SYT9: variants seen among roughly 807,000 people sequenced by gnomAD.
SYT9 encodes synaptotagmin-9.
SYT9 carries 22 observed loss-of-function variants against 48.4 expected under a neutral mutation model. The observed-to-expected ratio is 0.45, with a 90% CI of 0.32 to 0.65. The LOEUF is 0.65. SYT9 is among the 30% of genes least tolerant of loss of function. SYT9 has a pLI of 0.03. For synonymous variants in SYT9, 265 were observed against 245.0 expected, an observed-to-expected ratio of 1.08 and a Z score of -0.76; for missense variants, 577 against 622.0, an observed-to-expected ratio of 0.93 and a Z score of 0.77.
At chr11:7,356,557 A>G (rs991535676) in intron 3 of SYT9, among the ~76,000 whole-genome samples, 2 of 152,024 alleles carry the variant, frequency 1.3e-5, no homozygotes, top group African/African-American at 4.8e-5. Flanking sequence ...ACTTTTCTGT[A>G]CTCCACTGAT....
chr11:7,326,645 G>A (rs1455216189), intron 3 of SYT9, among the ~76,000 whole-genome samples: 28 of 142,548 alleles, frequency 2.0e-4, no homozygotes, highest in Non-Finnish European at 1.8e-4. Context: ...AAAGCTGGAG[G>A]CATCACACTA....
chr11:7,305,972 G>A (rs537455808), intron 2 of SYT9, among the ~76,000 whole-genome samples: 2 of 152,150 alleles, frequency 1.3e-5, no homozygotes, highest in South Asian at 4.2e-4. Flanking sequence ...CCTAAAGATG[G>A]GCTTTGTTTT....
At chr11:7,426,787 T>A (rs1316377140) in intron 6 of SYT9, among the ~76,000 whole-genome samples, 5 of 152,140 alleles carry the variant, frequency 3.3e-5, no homozygotes, top group Non-Finnish European at 7.3e-5. Flanking sequence ...TAGCATGATT[T>A]CCCTCTACCT....
intron 1 of SYT9, among the ~76,000 whole-genome samples, chr11:7,244,004 CTCAGTT>C (rs1847767333): frequency 6.6e-6 from 1 of 151,664 alleles, no homozygotes; most frequent in South Asian, 2.1e-4. Context: ...TTTTCTCAGT[CTCAGTT>C]AAGCAGAAAT....
intron 1 of SYT9, among the ~76,000 whole-genome samples, chr11:7,262,487 A>G (rs1307528943): frequency 2.0e-5 from 3 of 152,116 alleles, no homozygotes; most frequent in African/African-American, 7.2e-5. Context: ...GGGGACCCGC[A>G]CTAAGTTCTG....
At chr11:7,350,768 C>T (rs1849899798) in intron 3 of SYT9, among the ~76,000 whole-genome samples, 1 of 152,114 alleles carries the variant, frequency 6.6e-6, no homozygotes, top group Non-Finnish European at 1.5e-5. Flanking sequence ...CATGATTTTT[C>T]CAGAAGACGT....
At chr11:7,437,577 A>T (rs959232341) in intron 6 of SYT9, 2 of 152,166 alleles carry the variant, frequency 1.3e-5, no homozygotes, top group African/African-American at 4.8e-5. Flanking sequence ...GATAAGAAGG[A>T]ATATGGACTC....
intron 1 of SYT9, among the ~76,000 whole-genome samples, chr11:7,274,216 C>T (rs528455319): frequency 8.3e-4 from 127 of 152,206 alleles, no homozygotes; most frequent in African/African-American, 2.9e-3. Context: ...AGTGGAGCCC[C>T]CTCATTAAGG....
intron 3 of SYT9, among the ~76,000 whole-genome samples, chr11:7,379,536 G>A (rs1262815352): frequency 6.6e-6 from 1 of 152,018 alleles, no homozygotes; most frequent in Non-Finnish European, 1.5e-5. Flanking sequence ...AAATCTTCTT[G>A]TGTCTTCTCC....
Position 7,357,869 on chromosome 11 carries a change from A to G in SYT9, c.1044+43928A>G, listed in dbSNP as rs113324399. Among the ~76,000 whole-genome samples, 1,474 of 148,954 alleles carry G rather than the reference A, an allele frequency of 9.9e-3. 20 individuals are homozygous for G. Among genetic ancestry groups the G allele is most frequent in the African/African-American group, 0.032 (1,320 of 41,428 alleles). ...TTATATATTAATTCGACTAGAATTT[A>G]CATCTTTATAATATTGACTTTATCT... On this transcript the variant is annotated intron_variant, in intron 3 of 6. Transcript: ENST00000318881.
chr11:7,276,513 A>C (rs1322811361), intron 1 of SYT9, among the ~76,000 whole-genome samples: 1 of 152,264 alleles, frequency 6.6e-6, no homozygotes, highest in Non-Finnish European at 1.5e-5. Context: ...TGGTGGAATA[A>C]GGTGGAATGA....
intron 6 of SYT9, chr11:7,457,970 A>C (rs956850054): frequency 6.6e-6 from 1 of 152,208 alleles, no homozygotes; most frequent in African/African-American, 2.4e-5. Context: ...CTGTTCAAGT[A>C]AGAATCAATC....
intron 3 of SYT9, among the ~76,000 whole-genome samples, chr11:7,405,347 A>C (rs549616448): frequency 6.6e-6 from 1 of 152,124 alleles, no homozygotes; most frequent in Non-Finnish European, 1.5e-5. Context: ...ATTCCTCCAG[A>C]TAGTGTCAAA....
chr11:7,287,867 G>A (rs894365274), intron 1 of SYT9, among the ~76,000 whole-genome samples: 1 of 152,020 alleles, frequency 6.6e-6, no homozygotes. Context: ...AGACAATATG[G>A]AATTTATGAA....
At chr11:7,464,697 C>A (rs1848297398) in intron 6 of SYT9, among the ~76,000 whole-genome samples, 1 of 152,144 alleles carries the variant, frequency 6.6e-6, no homozygotes, top group African/African-American at 2.4e-5. Context: ...GGAAGGAACT[C>A]AGGAATTGGC....
chr11:7,252,015 G>A lies in SYT9; in HGVS notation c.-172G>A. The stretch of plus-strand genomic sequence containing the variant: ...GGCTGGCGAAGAGCTGCATGCAACC[G>A]GTGGGAGGCCGGGCCGGCTGGGTCT... On this transcript the variant is annotated 5_prime_UTR_variant, in exon 1 of 7. Coordinates refer to ENST00000318881, the MANE Select transcript of SYT9 (RefSeq NM_175733.4). The surrounding 1 kb of genome is among the most constrained non-coding windows in gnomAD (Gnocchi z 6.3). 3.1e-6 allele frequency: 2 copies of A among 653,988 alleles called. No individual in the cohort carries two copies. The highest frequency in any genetic ancestry group is 7.4e-5 in the South Asian group (2 of 27,162). The allele number at this position is 653,988 out of a possible 1,614,324, so 40.5% of individuals were successfully genotyped here.
intron 1 of SYT9, among the ~76,000 whole-genome samples, chr11:7,272,286 C>CT (rs1261490405): frequency 1.3e-5 from 2 of 152,150 alleles, no homozygotes; most frequent in Admixed American, 1.3e-4. Context: ...CAGTGGAAGC[C>CT]TTTTTAATGT....
At chr11:7,371,110 G>A (rs543405011) in intron 3 of SYT9, among the ~76,000 whole-genome samples, 55 of 152,000 alleles carry the variant, frequency 3.6e-4, no homozygotes, top group Non-Finnish European at 4.9e-4. Flanking sequence ...CATTAAAGCC[G>A]CTTAATAATA....
chr11:7,253,276 A>G (rs1847907861), intron 1 of SYT9, among the ~76,000 whole-genome samples: 2 of 152,218 alleles, frequency 1.3e-5, no homozygotes, highest in African/African-American at 4.8e-5. Context: ...ACTTACCAAA[A>G]CAGCATATTG....
Sources: allele counts gnomAD v4.1 joint callset (sites outside exome capture counted in the v4.1 genomes callset), GRCh38; gene constraint gnomAD v4.1.1; non-coding constraint Gnocchi (gnomAD v3.1); transcripts MANE v1.5; gene names NCBI Gene and HGNC (gene_info 2026-07-23, HGNC 2026-07-21).